The following TRAM1 variants were observed in gnomAD, a reference collection of about 807,000 sequenced individuals.
TRAM1 encodes the protein translocation associated membrane protein 1.
In TRAM1, 17 loss-of-function variants were observed where a neutral mutation model predicts 48.7. The observed-to-expected ratio is 0.35, with a 90% confidence interval of 0.24 to 0.52. The LOEUF (loss-of-function observed/expected upper bound fraction) is 0.52, where lower values mean the gene tolerates loss of function less well. TRAM1 is among the 20% of genes least tolerant of loss of function. The probability of loss-of-function intolerance (pLI) is 0.94; values close to 1 mark genes in which losing one functional copy is unlikely to be tolerated. For missense variants in TRAM1, 351 were observed against 441.5 expected, an observed-to-expected ratio of 0.79 and a Z score of 1.84; for synonymous variants, 182 against 154.0, an observed-to-expected ratio of 1.18 and a Z score of -1.34.
At chr8:70,589,249 G>C (rs1425173977) in intron 6 of TRAM1, among the ~76,000 whole-genome samples, 1 of 152,176 alleles carries the variant, frequency 6.6e-6, no homozygotes, top group Non-Finnish European at 1.5e-5. Flanking sequence ...AAGTATCTCT[G>C]AAAATAGACG....
intron 8 of TRAM1, among the ~76,000 whole-genome samples, chr8:70,585,411 C>A (rs1462080748): frequency 2.0e-5 from 3 of 151,904 alleles, no homozygotes; most frequent in African/African-American, 7.3e-5. Context: ...GCAACAAAAG[C>A]CAAAATAGAC....
chr8:70,583,389 A>G lies in TRAM1; in HGVS notation c.891-65T>C, dbSNP rs878858628. 4.7e-6 allele frequency: 7 copies of G among 1,504,870 alleles called. No homozygotes were observed. The South Asian group carries it at 6.3e-5, about 13-fold the overall frequency. The allele number at this position is 1,504,870 out of a possible 1,614,324, so 93.2% of individuals were successfully genotyped here. A position where few individuals can be genotyped will look rare whatever the true frequency, so the allele number is the denominator to read the frequency against. On this transcript the variant is annotated intron_variant, in intron 9 of 10. Transcript: ENST00000262213. Reference sequence around the variant, plus strand: ...ACAATGCCACTGAATACATTCTATCATCTTTCATAGTATTTAGTAATAATT... The same window carrying G: ...ACAATGCCACTGAATACATTCTATCGTCTTTCATAGTATTTAGTAATAATT...
chr8:70,576,120 A>C (rs542756435), intron 10 of TRAM1, among the ~76,000 whole-genome samples: 1 of 151,648 alleles, frequency 6.6e-6, no homozygotes, highest in African/African-American at 2.4e-5. Flanking sequence ...ACCCCAAAAC[A>C]AAACAAAAAA....
chr8:70,578,870 C>T (rs368282117), intron 10 of TRAM1, among the ~76,000 whole-genome samples: 2 of 152,128 alleles, frequency 1.3e-5, no homozygotes, highest in Non-Finnish European at 1.5e-5. Flanking sequence ...GGGAATTCAG[C>T]GAAAGTGATG....
chr8:70,603,121 A>G (rs191059134), intron 1 of TRAM1, among the ~76,000 whole-genome samples: 138 of 152,112 alleles, frequency 9.1e-4, no homozygotes, highest in Non-Finnish European at 1.3e-3. Context: ...ATTAACAAGG[A>G]CTCATTAGAG....
chr8:70,603,734 A>G (rs1189264124), intron 1 of TRAM1, among the ~76,000 whole-genome samples: 1 of 152,172 alleles, frequency 6.6e-6, no homozygotes, highest in East Asian at 1.9e-4. Flanking sequence ...GTCCTTTACA[A>G]ACAACAAATG....
chr8:70,607,588 C>T (rs1434325893), intron 1 of TRAM1: 2 of 680,384 alleles, frequency 2.9e-6, no homozygotes, highest in African/African-American at 3.9e-5. Context: ...CAGGCCGGCA[C>T]TCCTCAGACC....
At chr8:70,607,320 T>G in intron 1 of TRAM1, 2 of 985,386 alleles carry the variant, frequency 2.0e-6, no homozygotes, top group Non-Finnish European at 2.4e-6. Flanking sequence ...AATTACTCGA[T>G]TCCTTGGCAC....
In TRAM1 at chr8:70,574,965, G is replaced by T. The variant is rs571516440; in HGVS notation, c.1092C>A (p.Asp364Glu). The change falls in exon 11 of 11, where the codon GAC (aspartate) becomes GAA (glutamate). Residue 364 changes from aspartate to glutamate, a missense_variant. Asp to Glu is a conservative substitution (Grantham distance 45). Coordinates refer to ENST00000262213, the MANE Select transcript of TRAM1 (RefSeq NM_014294.6). ...ATTTCTCTTTTTTATTCCGGGGAGA[G>T]TCTGCTACATTTGAAGTTAATGTTC... ...VNGTLTSNVA[D>E]SPRNKKEKSS 1 of 1,610,614 alleles carries T rather than the reference G, an allele frequency of 6.2e-7. No individual in the cohort carries two copies.
intron 5 of TRAM1, 84 bp from the exon 6 acceptor site, chr8:70,594,674 T>C: frequency 9.2e-7 from 1 of 1,082,112 alleles, no homozygotes; most frequent in Non-Finnish European, 1.3e-6. Context: ...AATCAGGATA[T>C]ACTAAGTAAC....
intron 10 of TRAM1, among the ~76,000 whole-genome samples, chr8:70,578,345 G>C (rs954821832): frequency 6.6e-6 from 1 of 152,242 alleles, no homozygotes; most frequent in Admixed American, 6.5e-5. Flanking sequence ...CTGGGCTCAA[G>C]TGATCCACCC....
chr8:70,585,015 C>A (rs2132029654), intron 8 of TRAM1, among the ~76,000 whole-genome samples: 1 of 152,294 alleles, frequency 6.6e-6, no homozygotes, highest in Admixed American at 6.5e-5. Flanking sequence ...CATCATGCTA[C>A]CTGACTTCAA....
rs371760704 is a variant in TRAM1, at chr8:70,600,074, T to G, written c.132A>C (p.Ala44=). 3 of 1,613,640 alleles carry G rather than the reference T, an allele frequency of 1.9e-6. No individual in the cohort carries two copies. Among genetic ancestry groups the G allele is most frequent in the African/African-American group, 2.7e-5 (2 of 75,044 alleles). ...GAGTAACAAAAATGATAGAAGCTTT[T>G]GCCGTTATCTACAAAGAAGGAAAAA... ...FLLGLMFEIT[A]KASIIFVTLQ... The change falls in exon 2 of 11, where the codon GCA becomes GCC. Residue 44 remains alanine, a synonymous_variant. Coordinates refer to ENST00000262213, the MANE Select transcript of TRAM1 (RefSeq NM_014294.6).
chr8:70,587,970 A>C (rs190504237), intron 6 of TRAM1, among the ~76,000 whole-genome samples: 319 of 152,228 alleles, frequency 2.1e-3, no homozygotes, highest in Non-Finnish European at 3.7e-3. Flanking sequence ...TAATCCCAGC[A>C]CTCTGGGAGG....
intron 1 of TRAM1, 177 bp downstream of exon 1, chr8:70,607,900 A>C: frequency 1.5e-6 from 1 of 681,482 alleles, no homozygotes; most frequent in Non-Finnish European, 2.1e-6. Flanking sequence ...GCCGCCGGGG[A>C]GCTGCCGCCG....
intron 10 of TRAM1, among the ~76,000 whole-genome samples, chr8:70,576,069 T>TA (rs1391722559): frequency 0.018 from 708 of 39,708 alleles, 12 homozygotes; most frequent in African/African-American, 0.028. Context: ...AGACTCCATC[T>TA]AAAAAAAAAA....
chr8:70,592,684 C>T (rs1001045639), intron 6 of TRAM1, among the ~76,000 whole-genome samples: 4 of 152,100 alleles, frequency 2.6e-5, no homozygotes, highest in Non-Finnish European at 5.9e-5. Flanking sequence ...ATAATGAAAT[C>T]CAGAGGTATT....
At chr8:70,592,780 T>C (rs544564495) in intron 6 of TRAM1, among the ~76,000 whole-genome samples, 5 of 152,242 alleles carry the variant, frequency 3.3e-5, no homozygotes, top group Non-Finnish European at 7.3e-5. Flanking sequence ...ATACTCTCAG[T>C]AGCGCTGTCC....
At chr8:70,592,899 A>ATG (rs1817400147) in intron 6 of TRAM1, among the ~76,000 whole-genome samples, 1 of 152,184 alleles carries the variant, frequency 6.6e-6, no homozygotes, top group Non-Finnish European at 1.5e-5. Context: ...CTGGGGCTAA[A>ATG]AAAGTCAATT....
Sources: allele counts gnomAD v4.1 joint callset (sites outside exome capture counted in the v4.1 genomes callset), GRCh38; gene constraint gnomAD v4.1.1; transcripts MANE v1.5; gene names NCBI Gene and HGNC (gene_info 2026-07-23, HGNC 2026-07-21).